Variants in UBR3 observed in about 807,000 individuals in gnomAD.
UBR3 encodes the protein E3 ubiquitin-protein ligase UBR3.
A neutral mutation model predicts 243.2 loss-of-function variants in UBR3; 85 were observed. The observed-to-expected ratio is 0.35, with a 90% confidence interval of 0.29 to 0.42. The LOEUF is 0.42. UBR3 is among the 10% of genes least tolerant of loss of function. The pLI is 1.00. For synonymous variants in UBR3, 748 were observed against 799.8 expected, an observed-to-expected ratio of 0.94 and a Z score of 1.09; for missense variants, 1,686 against 2,300.8, an observed-to-expected ratio of 0.73 and a Z score of 5.47.
At chr2:169,855,452 CAT>C in intron 1 of UBR3, among the ~76,000 whole-genome samples, 1 of 152,122 alleles carries the variant, frequency 6.6e-6, no homozygotes, top group Middle Eastern at 3.4e-3. Context: ...AGGAGATAAA[CAT>C]GTGAACAAAG....
At chr2:169,861,226 G>C (rs575985619) in intron 1 of UBR3, among the ~76,000 whole-genome samples, 7 of 152,148 alleles carry the variant, frequency 4.6e-5, no homozygotes, top group Non-Finnish European at 8.8e-5. Context: ...ACAATACTTC[G>C]TATCCAATCA....
intron 1 of UBR3, among the ~76,000 whole-genome samples, chr2:169,836,503 G>A (rs749712800): frequency 2.0e-5 from 3 of 151,928 alleles, no homozygotes; most frequent in Non-Finnish European, 4.4e-5. Context: ...GGCAGGGAGA[G>A]GGAGAGCATC....
intron 33 of UBR3, among the ~76,000 whole-genome samples, chr2:170,058,602 A>G (rs990743445): frequency 2.0e-5 from 3 of 151,522 alleles, no homozygotes; most frequent in Non-Finnish European, 2.9e-5. Context: ...TGCAACCTCA[A>G]ACTCCTGGGC....
chr2:170,000,083 G>A lies in UBR3; in HGVS notation c.3919-1221G>A, dbSNP rs555299214. Among the ~76,000 whole-genome samples, 140 of 150,300 alleles carry A rather than the reference G, an allele frequency of 9.3e-4. 1 individual carries two copies. Among genetic ancestry groups the A allele is most frequent in the African/African-American group, 3.3e-3 (135 of 40,796 alleles). On this transcript the variant is annotated intron_variant, in intron 26 of 38. Transcript: ENST00000272793. The stretch of plus-strand genomic sequence containing the variant: ...GGAGGTTGTGGTGAGCCGAGATTGC[G>A]CCATCGCACTCCAGCCTGGGCAACA...
intron 1 of UBR3, among the ~76,000 whole-genome samples, chr2:169,841,921 G>A (rs1417105268): frequency 1.3e-5 from 2 of 152,246 alleles, no homozygotes; most frequent in Non-Finnish European, 1.5e-5. Flanking sequence ...GAATGCGAGC[G>A]CACGGCACAG....
intron 22 of UBR3, 116 bp downstream of exon 22, chr2:169,947,831 T>A: frequency 1.6e-6 from 2 of 1,247,458 alleles, no homozygotes; most frequent in Non-Finnish European, 2.0e-6. Context: ...TAGATAACTT[T>A]AAATTGTCTT....
intron 11 of UBR3, 68 bp from the exon 12 acceptor site, chr2:169,923,861 A>C: frequency 7.4e-7 from 1 of 1,350,102 alleles, no homozygotes; most frequent in South Asian, 1.4e-5. Context: ...TGGTTTAAAC[A>C]TTTTACAACC....
intron 31 of UBR3, among the ~76,000 whole-genome samples, chr2:170,038,533 T>A (rs1345029919): frequency 6.6e-6 from 1 of 152,106 alleles, no homozygotes; most frequent in Non-Finnish European, 1.5e-5. Flanking sequence ...TAGAGGAACA[T>A]AAAATTGGAG....
intron 25 of UBR3, 88 bp from the exon 26 acceptor site, chr2:169,994,235 C>A: frequency 6.9e-7 from 1 of 1,442,032 alleles, no homozygotes; most frequent in South Asian, 1.4e-5. Flanking sequence ...ATTTGAGTTG[C>A]TTGTGGTAAA....
chr2:169,842,930 C>T (rs1045067719), intron 1 of UBR3, among the ~76,000 whole-genome samples: 2 of 152,218 alleles, frequency 1.3e-5, no homozygotes, highest in Admixed American at 6.5e-5. Flanking sequence ...GTTTCTGATA[C>T]GATATTCCTC....
rs764750953 is a variant in UBR3, at chr2:169,851,641, G to A, written c.546-20595G>A. Among the ~76,000 whole-genome samples the A allele has an allele frequency of 3.9e-5, 6 of 152,080 alleles. No individual in the cohort carries two copies. The East Asian group carries it at 7.7e-4, about 20-fold the overall frequency. ...AGCACTTTGGGAGGCTGAGGGGAGC[G>A]GATCACAAGGTCAAGAGATCAAGAC... is the stretch of plus-strand genomic sequence containing the variant. On this transcript the variant is annotated intron_variant, in intron 1 of 38. Transcript: ENST00000272793.
chr2:169,872,761 C>CT (rs562496379), intron 2 of UBR3, among the ~76,000 whole-genome samples: 422 of 151,610 alleles, frequency 2.8e-3, no homozygotes, highest in Non-Finnish European at 3.7e-3. Flanking sequence ...GTTTTATCAA[C>CT]TTTTTTTTAG....
intron 24 of UBR3, among the ~76,000 whole-genome samples, chr2:169,983,427 A>G (rs1246313232): frequency 1.3e-5 from 2 of 151,634 alleles, no homozygotes; most frequent in African/African-American, 2.4e-5. Flanking sequence ...CACCCAGCCA[A>G]TTTTTGTATT....
chr2:169,828,148 A>C, intron 1 of UBR3, 96 bp downstream of exon 1: 1 of 1,264,542 alleles, frequency 7.9e-7, no homozygotes, highest in South Asian at 2.2e-5. Flanking sequence ...CTGAGCTGTC[A>C]AGGGGAGGGT....
At chr2:169,894,315 C>T (rs1464746373) in intron 6 of UBR3, among the ~76,000 whole-genome samples, 1 of 85,004 alleles carries the variant, frequency 1.2e-5, no homozygotes, top group African/African-American at 5.0e-5. Context: ...GAGACCCTGA[C>T]TCTTAAGAAA....
intron 4 of UBR3, 104 bp from the exon 5 acceptor site, chr2:169,878,421 G>A (rs2083698581): frequency 3.5e-6 from 4 of 1,152,582 alleles, no homozygotes; most frequent in South Asian, 1.5e-5. Flanking sequence ...GTGTCCTAAC[G>A]TAACAAAACT....
chr2:169,830,959 C>T (rs754959315), intron 1 of UBR3, among the ~76,000 whole-genome samples: 4 of 151,338 alleles, frequency 2.6e-5, no homozygotes, highest in Admixed American at 6.6e-5. Flanking sequence ...AGAAATATGT[C>T]AGTGAGTTTC....
chr2:170,054,619 G>A (rs1425090969), intron 32 of UBR3, among the ~76,000 whole-genome samples: 3 of 151,962 alleles, frequency 2.0e-5, no homozygotes, highest in Non-Finnish European at 4.4e-5. Context: ...TAGAGAGGGG[G>A]TCTGTGTTGC....
intron 32 of UBR3, among the ~76,000 whole-genome samples, chr2:170,054,755 C>CTG (rs1185290422): frequency 6.6e-6 from 1 of 152,050 alleles, no homozygotes; most frequent in Admixed American, 6.5e-5. Flanking sequence ...TTAAGATGTG[C>CTG]ATCATATAGG....
Sources: allele counts gnomAD v4.1 joint callset (sites outside exome capture counted in the v4.1 genomes callset), GRCh38; gene constraint gnomAD v4.1.1; transcripts MANE v1.5; gene names NCBI Gene and HGNC (gene_info 2026-07-23, HGNC 2026-07-21).